ATP6V0A4: variants seen among roughly 807,000 people sequenced by gnomAD.
ATP6V0A4 encodes the protein V-type proton ATPase 116 kDa subunit a 4.
ATP6V0A4 carries 86 observed loss-of-function variants against 107.3 expected under a neutral mutation model. The ratio of observed to expected loss-of-function variants is 0.80; its 90% CI spans 0.67 to 0.96. The LOEUF (loss-of-function observed/expected upper bound fraction) is 0.96. ATP6V0A4 is among the 40% of genes least tolerant of loss of function. The pLI, the probability that ATP6V0A4 is intolerant of heterozygous loss-of-function variation, is 0.00. For synonymous variants in ATP6V0A4, 353 were observed against 381.4 expected (o/e 0.93, Z 0.87); for missense variants, 908 against 1,045.6 (o/e 0.87, Z 1.81).
intron 13 of ATP6V0A4, 139 bp downstream of exon 13, chr7:138,747,286 T>G: frequency 9.0e-7 from 1 of 1,107,992 alleles, no homozygotes; most frequent in Non-Finnish European, 1.3e-6. Flanking sequence ...GGCCAGAAGT[T>G]TTAGGTTAAT....
rs369703970 is a variant in ATP6V0A4 at position 138,718,562 on chromosome 7, A to T, written c.2140-2681T>A. ...TGCAGTCACCGATGTCTGCGGAGGG[A>T]GACATCCGGAGAGGCATGGGGCGGA... is the stretch of plus-strand genomic sequence containing the variant. On this transcript the variant is annotated intron_variant, in intron 19 of 21. Coordinates refer to ENST00000310018, the MANE Select transcript of ATP6V0A4 (RefSeq NM_020632.3). Among the ~76,000 whole-genome samples the T allele has an allele frequency of 1.1e-4, 12 of 107,392 alleles. No homozygotes were observed. The South Asian group carries it at 2.4e-3, about 21-fold the overall frequency. The allele number at this position is 107,392 out of a possible 152,430, so 70.5% of individuals were successfully genotyped here.
intron 10 of ATP6V0A4, among the ~76,000 whole-genome samples, chr7:138,755,264 T>C (rs1806449539): frequency 6.6e-6 from 1 of 152,234 alleles, no homozygotes; most frequent in Non-Finnish European, 1.5e-5. Context: ...ATGGTGAAAC[T>C]AGACTCACTG....
At position 138,709,676 on chromosome 7, in the gene ATP6V0A4, G is replaced by T. The variant is rs772521237; in HGVS notation, c.2377C>A (p.Leu793Ile). The change falls in exon 21 of 22, where the codon CTT becomes ATT. Residue 793 changes from leucine to isoleucine, a missense_variant. Coordinates refer to ENST00000310018, the MANE Select transcript of ATP6V0A4 (RefSeq NM_020632.3). ...GCAGAGAGGCCCTCCATGATCAGAAGGATGGCTACTGTCAGGACAGCAAAT... is the reference window on the plus strand; with the variant it reads ...GCAGAGAGGCCCTCCATGATCAGAATGATGGCTACTGTCAGGACAGCAAAT... ...AVFAVLTVAILLIMEGLSAFL... is the reference protein window; with the variant it reads ...AVFAVLTVAIILIMEGLSAFL... 1 of 1,613,662 alleles carries T rather than the reference G, an allele frequency of 6.2e-7. No homozygotes were observed. The highest frequency in any genetic ancestry group is 1.1e-5 in the South Asian group (1 of 91,060).
In ATP6V0A4 at chr7:138,798,082, G is replaced by A. The variant is rs199654929; in HGVS notation, c.-169C>T. 1.1e-3 allele frequency: 1,681 copies of A among 1,584,796 alleles called. 22 individuals carry two copies. In the Admixed American group the frequency reaches 0.028, roughly 26 times the overall value. ...TCCGCAGGACCGGCTCACCTGCACC[G>A]GGCACTCAGCACAGCCTCCAGCATG... On this transcript the variant is annotated 5_prime_UTR_variant, in exon 1 of 22. Coordinates refer to ENST00000310018, the MANE Select transcript of ATP6V0A4 (RefSeq NM_020632.3).
At position 138,739,466 on chromosome 7, in the gene ATP6V0A4, C is replaced by T. The variant is rs80265580; in HGVS notation, c.1572+74G>A. 7,995 of 1,557,458 alleles carry T rather than the reference C, an allele frequency of 5.1e-3. 361 individuals carry two copies. The African/African-American group carries it at 0.097, about 19-fold the overall frequency. On this transcript the variant is annotated intron_variant, in intron 15 of 21. Coordinates refer to ENST00000310018, the MANE Select transcript of ATP6V0A4 (RefSeq NM_020632.3). ...TGTTGATTTGACAGGCTTTGTTGGC[C>T]TTTTCTTCTCTCTCCAGAGGTCTCC...
chr7:138,720,818 G>T (rs980029367), intron 19 of ATP6V0A4, among the ~76,000 whole-genome samples: 1 of 151,998 alleles, frequency 6.6e-6, no homozygotes, highest in African/African-American at 2.4e-5. Context: ...TGTATATTTA[G>T]TAGAGACAGG....
intron 21 of ATP6V0A4, 47 bp downstream of exon 21, chr7:138,709,576 TC>T: frequency 1.3e-6 from 2 of 1,588,606 alleles, no homozygotes; most frequent in Non-Finnish European, 1.7e-6. Context: ...CACAGCCCAC[TC>T]CCTTTCCCAA....
chr7:138,749,516 G>A (rs984736103), intron 11 of ATP6V0A4, 199 bp from the exon 12 acceptor site: 2 of 174,838 alleles, frequency 1.1e-5, no homozygotes, highest in African/African-American at 2.4e-5. Flanking sequence ...CTCATGGGAG[G>A]GCTGTCAAGA....
intron 1 of ATP6V0A4, among the ~76,000 whole-genome samples, chr7:138,796,412 TAC>T (rs1808664731): frequency 6.6e-6 from 1 of 152,160 alleles, no homozygotes; most frequent in Non-Finnish European, 1.5e-5. Context: ...CCTGGGCTGT[TAC>T]ACTCCACTAG....
chr7:138,764,380 T>C (rs1806983885), intron 5 of ATP6V0A4, among the ~76,000 whole-genome samples: 1 of 152,036 alleles, frequency 6.6e-6, no homozygotes, highest in South Asian at 2.1e-4. Context: ...CTAATGCAAT[T>C]TAATGTTTAA....
intron 18 of ATP6V0A4, among the ~76,000 whole-genome samples, chr7:138,724,189 CAAAAA>C (rs3080498): frequency 5.4e-5 from 5 of 92,814 alleles, no homozygotes; most frequent in Non-Finnish European, 6.4e-5. Context: ...GACTCTGCCT[CAAAAA>C]AAAAAAAAAA....
chr7:138,746,418 T>C (rs572244565), intron 13 of ATP6V0A4, among the ~76,000 whole-genome samples: 5 of 152,246 alleles, frequency 3.3e-5, no homozygotes, highest in Admixed American at 6.6e-5. Flanking sequence ...CATGGAAAAC[T>C]ATATTGGTCA....
chr7:138,785,259 A>C (rs891666558), intron 2 of ATP6V0A4, among the ~76,000 whole-genome samples: 18 of 150,058 alleles, frequency 1.2e-4, no homozygotes, highest in Non-Finnish European at 7.4e-5. Context: ...CAAACTGAAT[A>C]CTTCTCACTT....
intron 18 of ATP6V0A4, 80 bp downstream of exon 18, chr7:138,728,681 C>T (rs1804836277): frequency 1.3e-6 from 2 of 1,593,418 alleles, no homozygotes; most frequent in African/African-American, 2.7e-5. Context: ...CAGGACGATT[C>T]TCTCTAAACC....
chr7:138,716,940 C>T (rs1804072022), intron 19 of ATP6V0A4, among the ~76,000 whole-genome samples: 1 of 152,140 alleles, frequency 6.6e-6, no homozygotes, highest in African/African-American at 2.4e-5. Context: ...TAGAAGGGTT[C>T]CCATGCCACA....
intron 9 of ATP6V0A4, chr7:138,756,052 A>G (rs527429547): frequency 1.7e-6 from 1 of 581,966 alleles, no homozygotes; most frequent in East Asian, 3.3e-5. Flanking sequence ...TAAGACTGCA[A>G]GCTGGGCTTG....
In ATP6V0A4 at chr7:138,752,606, G is replaced by A; in HGVS notation, c.1029+19C>T. 2 of 1,612,040 alleles carry A rather than the reference G, an allele frequency of 1.2e-6. No homozygotes were observed. The highest frequency in any genetic ancestry group is 1.7e-6 in the Non-Finnish European group (2 of 1,179,764). On this transcript the variant is annotated intron_variant, in intron 11 of 21. Transcript: ENST00000310018. ...GGGGCTGACTCATCGGACCCCTCCT[G>A]GCTCCACCTGCCACGCACCATGCCT... is the stretch of plus-strand genomic sequence containing the variant.
Position 138,747,465 on chromosome 7 carries a change from A to T in ATP6V0A4, c.1280T>A (p.Leu427Gln), listed in dbSNP as rs749823583. 1.9e-6 allele frequency: 3 copies of T among 1,614,170 alleles called. No individual in the cohort carries two copies. Among genetic ancestry groups the T allele is most frequent in the Non-Finnish European group, 2.5e-6 (3 of 1,180,028 alleles). ...VMLLAALWMILNERRLLSQKT... is the reference protein window; with the variant it reads ...VMLLAALWMIQNERRLLSQKT... ...CTGGGAGAGCAAGCGTCTCTCATTC[A>T]GAATCATCCAAAGTGCAGCCAGGAG... The change falls in exon 13 of 22, where the codon CTG (leucine) becomes CAG (glutamine). Residue 427 changes from leucine (L) to glutamine (Q), a missense_variant. By Grantham distance (113) the Leu-to-Gln change is moderately radical. Coordinates refer to ENST00000310018, the MANE Select transcript of ATP6V0A4 (RefSeq NM_020632.3).
chr7:138,769,461 C>T (rs1807268989), intron 3 of ATP6V0A4: 1 of 359,384 alleles, frequency 2.8e-6, no homozygotes. Context: ...ATTACAGGCA[C>T]CCACCACCAC....
Sources: gnomAD v4.1 joint callset for allele counts (sites outside exome capture counted in the v4.1 genomes callset) on GRCh38, gnomAD v4.1.1 for gene constraint, MANE v1.5 for transcripts, NCBI Gene and HGNC (gene_info 2026-07-23, HGNC 2026-07-21) for gene names.